The following NF1 variants were observed in gnomAD, a reference collection of about 807,000 sequenced individuals.
NF1 encodes the protein neurofibromin.
In NF1, 122 loss-of-function variants were observed where a neutral mutation model predicts 325.7. That is an observed-to-expected ratio of 0.37 (90% CI 0.32 to 0.44). The LOEUF (loss-of-function observed/expected upper bound fraction) is 0.44, where lower values mean the gene tolerates loss of function less well. Ranked by LOEUF, NF1 falls within the 20% of genes least tolerant of loss-of-function variation. NF1 has a pLI of 1.00. For synonymous variants in NF1, 1,091 were observed against 1,186.0 expected, an observed-to-expected ratio of 0.92 and a Z score of 1.65; for missense variants, 2,140 against 3,415.4, an observed-to-expected ratio of 0.63 and a Z score of 9.31.
At position 31,349,086 on chromosome 17, in the gene NF1, CTTGTTTGTTTGTTTGT is replaced by C. The variant is rs149197458; in HGVS notation, c.7190-23_7190-8del. The C allele has an allele frequency of 1.3e-6, 2 of 1,550,828 alleles. No individual in the cohort carries two copies. The highest frequency in any genetic ancestry group is 1.4e-5 in the African/African-American group (1 of 72,976). On this transcript the variant is annotated intron_variant, in intron 48 of 57. Transcript: ENST00000358273. The stretch of plus-strand genomic sequence containing the variant: ...TGCTTGTTCAAAAAATTAATTCTTA[CTTGTTTGTTTGTTTGT>C]TTGTTTGTTTTTTGTAGGGTACAGG...
intron 35 of NF1, among the ~76,000 whole-genome samples, chr17:31,263,102 G>GATA (rs2067718656): frequency 3.3e-5 from 3 of 90,036 alleles, no homozygotes; most frequent in African/African-American, 1.2e-4. Context: ...TAGGTAGGTA[G>GATA]GTAGGTAGAT....
In NF1 at chr17:31,235,978, T is replaced by A; in HGVS notation, c.3931T>A (p.Ser1311Thr). Reference protein sequence around the residue: ...LDPLLRIVITSSDWQHVSFEV... With the variant: ...LDPLLRIVITTSDWQHVSFEV... ...TCCTTTATTACGAATTGTGATCACA[T>A]CCTCTGATTGGCAACATGTTAGCTT... Residue 1311 changes from serine (S) to threonine (T), a missense_variant, in exon 29 of 58, where the codon TCC becomes ACC. Physicochemically the swap from Ser to Thr is moderately conservative, Grantham distance 58 (BLOSUM62 1). Transcript: ENST00000358273. 1 of 1,614,052 alleles carries A rather than the reference T, an allele frequency of 6.2e-7. No individual in the cohort carries two copies. The highest frequency in any genetic ancestry group is 8.5e-7 in the Non-Finnish European group (1 of 1,179,972).
intron 1 of NF1, among the ~76,000 whole-genome samples, chr17:31,099,471 A>G (rs1194603417): frequency 6.6e-5 from 10 of 152,166 alleles, no homozygotes; most frequent in Admixed American, 6.5e-4. Flanking sequence ...GAATGTTATC[A>G]GTTAAATCTT....
intron 14 of NF1, 62 bp from the exon 15 acceptor site, chr17:31,221,783 GTGTTA>G: frequency 9.5e-7 from 1 of 1,049,584 alleles, no homozygotes; most frequent in Non-Finnish European, 1.5e-6. Flanking sequence ...AAGTACTCCA[GTGTTA>G]TGTTTACCAA....
At chr17:31,335,135 T>C in intron 40 of NF1, 104 bp downstream of exon 40, 1 of 948,144 alleles carries the variant, frequency 1.1e-6, no homozygotes, top group Admixed American at 2.2e-5. Context: ...GATAGAGTTG[T>C]AAAAAACACA....
Position 31,227,604 on chromosome 17 carries a change from C to T in NF1, c.2407C>T (p.Gln803Ter), listed in dbSNP as rs1567848213. 1 of 1,613,334 alleles carries T rather than the reference C, an allele frequency of 6.2e-7. No individual in the cohort carries two copies. Among genetic ancestry groups the T allele is most frequent in the Non-Finnish European group, 8.5e-7 (1 of 1,179,536 alleles). Residue 803 changes from glutamine (Q) to a stop codon, truncating the protein, a stop_gained and splice_region_variant, in exon 20 of 58, where the codon CAG becomes TAG. Coordinates refer to ENST00000358273, the MANE Select transcript of NF1 (RefSeq NM_001042492.3). LOFTEE classifies it high-confidence loss of function. ...TCCAAAAGCCAAAATGGAAGATGGC[C>T]AGGTAAGTCTGTAAAGTTGACTTTT... is the stretch of plus-strand genomic sequence containing the variant. ...NYPKAKMEDG[Q>*]AAESLHKTIV...
chr17:31,143,249 A>ACACACT (rs1200215219), intron 1 of NF1, among the ~76,000 whole-genome samples: 3 of 151,784 alleles, frequency 2.0e-5, no homozygotes, highest in African/African-American at 7.3e-5. Context: ...AATCACACAC[A>ACACACT]CACACTCACA....
At chr17:31,373,931 G>T (rs765722264) in intron 57 of NF1, 82 bp from the exon 58 acceptor site, 6 of 1,546,292 alleles carry the variant, frequency 3.9e-6, no homozygotes, top group Admixed American at 3.4e-5. Context: ...ATGTGTCCCC[G>T]TTGTTAAGCG....
At chr17:31,145,336 G>T (rs543940334) in intron 1 of NF1, among the ~76,000 whole-genome samples, 2 of 152,144 alleles carry the variant, frequency 1.3e-5, no homozygotes, top group African/African-American at 4.8e-5. Context: ...GGGACTGCAC[G>T]CATGTACCAC....
chr17:31,160,112 G>A (rs778666992), intron 3 of NF1, among the ~76,000 whole-genome samples: 2 of 152,166 alleles, frequency 1.3e-5, no homozygotes, highest in Non-Finnish European at 2.9e-5. Context: ...TTGAGACAGA[G>A]TCTCACTCTG....
intron 13 of NF1, among the ~76,000 whole-genome samples, chr17:31,217,071 C>A (rs1334335989): frequency 2.0e-5 from 3 of 152,140 alleles, no homozygotes; most frequent in African/African-American, 7.2e-5. Flanking sequence ...TATCTTCCCC[C>A]ATGAGACTAC....
chr17:31,133,908 C>T (rs1472232328), intron 1 of NF1, among the ~76,000 whole-genome samples: 2 of 152,170 alleles, frequency 1.3e-5, no homozygotes, highest in South Asian at 2.1e-4. Context: ...CTGCCTGCCT[C>T]GGCCTCCCAA....
intron 36 of NF1, among the ~76,000 whole-genome samples, chr17:31,282,226 C>T (rs2068133425): frequency 6.6e-6 from 1 of 151,634 alleles, no homozygotes; most frequent in Non-Finnish European, 1.5e-5. Context: ...ACTAAAAATA[C>T]AAAAAATCAG....
intron 43 of NF1, 65 bp downstream of exon 43, chr17:31,337,647 A>G (rs2069711452): frequency 6.8e-7 from 1 of 1,477,590 alleles, no homozygotes; most frequent in South Asian, 1.2e-5. Flanking sequence ...TTAATACTAT[A>G]TAGAAGAAAT....
intron 36 of NF1, chr17:31,304,775 T>G: frequency 1.9e-6 from 3 of 1,614,150 alleles, no homozygotes; most frequent in Non-Finnish European, 2.5e-6. Context: ...AGTGTGCTTT[T>G]GCTTGGTTTC....
chr17:31,095,390 G>C, intron 1 of NF1, 21 bp downstream of exon 1: 2 of 1,537,456 alleles, frequency 1.3e-6, no homozygotes, highest in East Asian at 2.4e-5. Context: ...CGTGGCGGGC[G>C]GGAGGTGGGA....
chr17:31,098,233 G>A (rs1911947345), intron 1 of NF1, among the ~76,000 whole-genome samples: 1 of 151,642 alleles, frequency 6.6e-6, no homozygotes, highest in South Asian at 2.1e-4. Context: ...GGCATGGGAA[G>A]GTTAAGTGAC....
chr17:31,335,276 A>AT lies in NF1; in HGVS notation c.6006+246dup, dbSNP rs1231151985. ...GCACAGTCTCCTTCAAGGCATAATT[A>AT]TATATATATATATATATATAATTAT... On this transcript the variant is annotated intron_variant, in intron 40 of 57. Transcript: ENST00000358273. Among the ~76,000 whole-genome samples the AT allele has an allele frequency of 8.2e-5, 3 of 36,718 alleles. 1 individual carries two copies. The highest frequency in any genetic ancestry group is 3.4e-4 in the Non-Finnish European group (3 of 8,744). The allele number at this position is 36,718 out of a possible 152,430, so 24.1% of individuals were successfully genotyped here.
intron 36 of NF1, among the ~76,000 whole-genome samples, chr17:31,270,784 ATT>A (rs1458462183): frequency 2.0e-5 from 3 of 152,238 alleles, no homozygotes; most frequent in African/African-American, 7.2e-5. Context: ...ATATTACATA[ATT>A]TCTCATTTAA....
Sources: gnomAD v4.1 joint callset for allele counts (sites outside exome capture counted in the v4.1 genomes callset) on GRCh38, gnomAD v4.1.1 for gene constraint, MANE v1.5 for transcripts, NCBI Gene and HGNC (gene_info 2026-07-23, HGNC 2026-07-21) for gene names.